MICU3: variants seen among roughly 807,000 people sequenced by gnomAD.
The protein encoded by MICU3 is mitochondrial calcium uptake 3, also known as calcium uptake protein 3, mitochondrial.
In MICU3, 62 loss-of-function variants were observed where a neutral mutation model predicts 66.5. The observed-to-expected ratio is 0.93, with a 90% CI of 0.76 to 1.15. The LOEUF is 1.15. Ranked by LOEUF, MICU3 falls within the 50% of genes most tolerant of loss-of-function variation. MICU3 has a pLI of 0.00. For synonymous variants in MICU3, 308 were observed against 240.7 expected (o/e 1.28, Z -2.59); for missense variants, 779 against 664.4 (o/e 1.17, Z -1.90).
intron 1 of MICU3, among the ~76,000 whole-genome samples, chr8:17,053,732 A>G (rs1003687804): frequency 3.9e-5 from 6 of 152,228 alleles, no homozygotes; most frequent in African/African-American, 1.4e-4. Flanking sequence ...TTATCATTTC[A>G]ACGTAAATTC....
chr8:17,105,011 A>T lies in MICU3; in HGVS notation c.1086-402A>T, dbSNP rs979547633. 7.3e-5 allele frequency among the ~76,000 whole-genome samples: 11 copies of T among 150,538 alleles called. 4 individuals are homozygous for T. The highest frequency in any genetic ancestry group is 1.3e-4 in the Non-Finnish European group (9 of 67,542). On this transcript the variant is annotated intron_variant, in intron 10 of 14. Coordinates refer to ENST00000318063, the MANE Select transcript of MICU3 (RefSeq NM_181723.3). ...CTCCGTCTCAAAAAAAAAAAAAAAAAAAAAAAAAAAAAATTCCAGATATCT... is the reference window on the plus strand; with the variant it reads ...CTCCGTCTCAAAAAAAAAAAAAAAATAAAAAAAAAAAAATTCCAGATATCT...
intron 1 of MICU3, among the ~76,000 whole-genome samples, chr8:17,061,666 G>A (rs1817841406): frequency 6.6e-6 from 1 of 152,122 alleles, no homozygotes; most frequent in East Asian, 1.9e-4. Flanking sequence ...GATAAATCAT[G>A]GTTGATTGAT....
Position 17,027,503 on chromosome 8 carries a change from G to T in MICU3, c.224G>T (p.Gly75Val). Reference sequence around the variant, plus strand: ...CTGAGCGTGGCGGCGGCGGCCGGCGGGGGGCTGGTCGGCCTGGTATGCTAC... The same window carrying T: ...CTGAGCGTGGCGGCGGCGGCCGGCGTGGGGCTGGTCGGCCTGGTATGCTAC... ...GELSVAAAAG[G>V]GLVGLVCYQL... The change falls in exon 1 of 15, where the codon GGG becomes GTG. Residue 75 changes from glycine to valine, a missense_variant. Gly to Val is a moderately radical substitution (Grantham distance 109). Coordinates refer to ENST00000318063, the MANE Select transcript of MICU3 (RefSeq NM_181723.3). The T allele has an allele frequency of 1.6e-6, 2 of 1,283,096 alleles. No homozygotes were observed. The highest frequency in any genetic ancestry group is 2.7e-5 in the South Asian group (1 of 36,710). The allele number at this position is 1,283,096 out of a possible 1,614,324, so 79.5% of individuals were successfully genotyped here.
downstream of MICU3, among the ~76,000 whole-genome samples, chr8:17,125,106 T>C (rs909902156): frequency 6.7e-6 from 1 of 149,588 alleles, no homozygotes; most frequent in Non-Finnish European, 1.5e-5. Context: ...ATTTCTATTA[T>C]TCAGATAATG....
intron 8 of MICU3, among the ~76,000 whole-genome samples, chr8:17,095,559 TC>T (rs1305626951): frequency 6.6e-6 from 1 of 151,972 alleles, no homozygotes; most frequent in Non-Finnish European, 1.5e-5. Context: ...ACTTTATTTT[TC>T]CCCTAGTTTG....
intron 11 of MICU3, among the ~76,000 whole-genome samples, chr8:17,108,833 A>G (rs1188511085): frequency 1.3e-5 from 2 of 152,140 alleles, no homozygotes; most frequent in South Asian, 2.1e-4. Context: ...CAGAATCCTT[A>G]CAGTGGCTCC....
chr8:17,044,232 C>T (rs904770220), intron 1 of MICU3, among the ~76,000 whole-genome samples: 1 of 152,144 alleles, frequency 6.6e-6, no homozygotes, highest in Non-Finnish European at 1.5e-5. Flanking sequence ...AGTTCATTAT[C>T]TGAATGTCAG....
At chr8:17,057,376 C>G (rs1471630520) in intron 1 of MICU3, among the ~76,000 whole-genome samples, 2 of 152,066 alleles carry the variant, frequency 1.3e-5, no homozygotes, top group African/African-American at 4.8e-5. Context: ...CAGGCGACAC[C>G]CTGATCTCTG....
chr8:17,054,809 G>T (rs1816660474), intron 1 of MICU3, among the ~76,000 whole-genome samples: 2 of 145,028 alleles, frequency 1.4e-5, no homozygotes, highest in East Asian at 2.1e-4. Context: ...CACGATGTCA[G>T]CTCACTGCAA....
chr8:17,134,271 CGTT>C, the MICU3 span: 21 of 152,112 alleles, frequency 1.4e-4, no homozygotes, highest in African/African-American at 2.4e-5. Context: ...GGTGAGCAGA[CGTT>C]GTATTTCTTA....
intron 1 of MICU3, chr8:17,049,758 C>CCCCT: frequency 2.2e-6 from 1 of 462,048 alleles, no homozygotes; most frequent in South Asian, 1.6e-5. Flanking sequence ...CTGTTGAAGG[C>CCCCT]CCCTATAGAT....
At position 17,121,906 on chromosome 8, in the gene MICU3, A is replaced by T. The variant is rs1432171262; in HGVS notation, c.*1619A>T. The T allele has an allele frequency of 2.0e-5, 3 of 151,804 alleles. No individual in the cohort carries two copies. Among genetic ancestry groups the T allele is most frequent in the Non-Finnish European group, 4.4e-5 (3 of 67,716 alleles). The allele number at this position is 151,804 out of a possible 1,614,324, so 9.4% of individuals were successfully genotyped here. A position where few individuals can be genotyped will look rare whatever the true frequency, so the allele number is the denominator to read the frequency against. On this transcript the variant is annotated 3_prime_UTR_variant, in exon 15 of 15. Transcript: ENST00000318063. ...TAAATGAAAATGCCTACCCACTCAT[A>T]TAACATACCTCAGGTCTATTTTACC...
At chr8:17,138,485 A>G in the MICU3 span, among the ~76,000 whole-genome samples, 1 of 152,144 alleles carries the variant, frequency 6.6e-6, no homozygotes, top group Non-Finnish European at 1.5e-5. Flanking sequence ...CAACAGCTGC[A>G]AAGAAAAAAA....
intron 3 of MICU3, among the ~76,000 whole-genome samples, chr8:17,071,329 C>T (rs1434893031): frequency 2.0e-5 from 3 of 152,124 alleles, no homozygotes; most frequent in Admixed American, 2.0e-4. Flanking sequence ...TTAGTTTCTT[C>T]TGAGGCCTCT....
chr8:17,108,281 G>A (rs965633554), intron 11 of MICU3, among the ~76,000 whole-genome samples: 4 of 152,056 alleles, frequency 2.6e-5, no homozygotes, highest in African/African-American at 7.2e-5. Flanking sequence ...TGAATCTAGC[G>A]GTCAAGGGTG....
At chr8:17,042,931 ATTTTTTT>A (rs996846253) in intron 1 of MICU3, among the ~76,000 whole-genome samples, 16 of 82,154 alleles carry the variant, frequency 1.9e-4, no homozygotes, top group Non-Finnish European at 2.9e-4. Context: ...ATTCAAAGTG[ATTTTTTT>A]TTTTTTTTTT....
chr8:17,043,586 C>A (rs1245077699), intron 1 of MICU3, among the ~76,000 whole-genome samples: 3 of 152,194 alleles, frequency 2.0e-5, no homozygotes, highest in Admixed American at 2.0e-4. Flanking sequence ...TGGACTCAAT[C>A]TTTGCTGTCA....
In MICU3 at chr8:17,120,774, TG is replaced by T. The variant is rs1489280333; in HGVS notation, c.*488del. 4 of 152,548 alleles carry T rather than the reference TG, an allele frequency of 2.6e-5. No homozygotes were observed. Among genetic ancestry groups the T allele is most frequent in the Middle Eastern group, 3.4e-3 (1 of 294 alleles). The allele number at this position is 152,548 out of a possible 1,614,324, so 9.4% of individuals were successfully genotyped here. A position where few individuals can be genotyped will look rare whatever the true frequency, so the allele number is the denominator to read the frequency against. On this transcript the variant is annotated 3_prime_UTR_variant, in exon 15 of 15. Coordinates refer to ENST00000318063, the MANE Select transcript of MICU3 (RefSeq NM_181723.3). ...TATAATACCCTTAGAATTAAATTCC[TG>T]TTATTTGCCCAGTTTTTAATTACAC...
chr8:17,128,149 G>A, the MICU3 span, among the ~76,000 whole-genome samples: 1 of 151,938 alleles, frequency 6.6e-6, no homozygotes, highest in Non-Finnish European at 1.5e-5. Context: ...TGAAACAGCA[G>A]TGAGGGAGAG....
Sources: gnomAD v4.1 joint callset for allele counts (sites outside exome capture counted in the v4.1 genomes callset) on GRCh38, gnomAD v4.1.1 for gene constraint, MANE v1.5 for transcripts, NCBI Gene and HGNC (gene_info 2026-07-23, HGNC 2026-07-21) for gene names.